The following PTPRD variants were observed in gnomAD, a reference collection of about 807,000 sequenced individuals.
PTPRD encodes protein tyrosine phosphatase receptor type D.
A neutral mutation model predicts 214.5 loss-of-function variants in PTPRD; 34 were observed. That is an observed-to-expected ratio of 0.16 (90% CI 0.12 to 0.21). The LOEUF is 0.21. Ranked by LOEUF, PTPRD falls within the 10% of genes least tolerant of loss-of-function variation. The pLI is 1.00. For missense variants in PTPRD, 2,545 were observed against 2,398.7 expected (o/e 1.06, Z -1.27); for synonymous variants, 1,128 against 845.7 (o/e 1.33, Z -5.79).
chr9:10,125,234 C>T (rs1215227861), intron 3 of PTPRD, among the ~76,000 whole-genome samples: 1 of 151,810 alleles, frequency 6.6e-6, no homozygotes, highest in East Asian at 1.9e-4. Context: ...ATTATACTAT[C>T]TTCATAGTCC....
At chr9:10,343,871 A>G (rs1042118517) in intron 2 of PTPRD, among the ~76,000 whole-genome samples, 3 of 150,730 alleles carry the variant, frequency 2.0e-5, no homozygotes, top group Admixed American at 2.0e-4. Flanking sequence ...GTTTTCTTGT[A>G]AATTTGTTTG....
At chr9:8,781,138 C>A (rs539647513) in intron 11 of PTPRD, among the ~76,000 whole-genome samples, 1 of 152,082 alleles carries the variant, frequency 6.6e-6, no homozygotes, top group African/African-American at 2.4e-5. Flanking sequence ...AGTTTATGAC[C>A]AGCAAAAGGC....
At chr9:9,531,988 T>G (rs923800921) in intron 8 of PTPRD, among the ~76,000 whole-genome samples, 57 of 148,040 alleles carry the variant, frequency 3.9e-4, no homozygotes, top group Non-Finnish European at 8.6e-4. Flanking sequence ...TTGTTAACAT[T>G]AAAATGTTTT....
intron 2 of PTPRD, among the ~76,000 whole-genome samples, chr9:10,575,765 T>C (rs2069085628): frequency 1.3e-5 from 2 of 152,128 alleles, no homozygotes; most frequent in Admixed American, 1.3e-4. Context: ...TCTCTCTCTC[T>C]GTCTCTCTTC....
chr9:10,048,117 G>C (rs955149266), intron 3 of PTPRD, among the ~76,000 whole-genome samples: 1 of 152,144 alleles, frequency 6.6e-6, no homozygotes, highest in African/African-American at 2.4e-5. Flanking sequence ...TCCTACGTGA[G>C]ACAGATATTT....
chr9:9,671,480 G>A (rs187375725), intron 7 of PTPRD, among the ~76,000 whole-genome samples: 87 of 152,116 alleles, frequency 5.7e-4, no homozygotes, highest in African/African-American at 2.1e-3. Flanking sequence ...AGGCATAATT[G>A]GTTTTGAAAT....
chr9:9,662,514 C>G (rs1275916550), intron 7 of PTPRD, among the ~76,000 whole-genome samples: 1 of 151,634 alleles, frequency 6.6e-6, no homozygotes, highest in African/African-American at 2.4e-5. Flanking sequence ...TTTGCTATGG[C>G]ATTCCTTATT....
At chr9:8,580,841 T>C (rs762082570) in intron 14 of PTPRD, among the ~76,000 whole-genome samples, 2 of 152,164 alleles carry the variant, frequency 1.3e-5, no homozygotes, top group East Asian at 1.9e-4. Context: ...TTCGCAATGA[T>C]AGAAATACTG....
intron 2 of PTPRD, among the ~76,000 whole-genome samples, chr9:10,551,280 A>G (rs368258097): frequency 7.2e-5 from 11 of 152,332 alleles, no homozygotes; most frequent in South Asian, 2.1e-4. Context: ...TCCAGGTTAC[A>G]GTGAGCTATG....
At chr9:9,327,403 A>AT (rs901180545) in intron 9 of PTPRD, among the ~76,000 whole-genome samples, 10 of 152,040 alleles carry the variant, frequency 6.6e-5, no homozygotes, top group African/African-American at 1.9e-4. Flanking sequence ...TGTTCCAGTA[A>AT]TTTTTTTCCA....
At chr9:10,115,794 T>G (rs1209743472) in intron 3 of PTPRD, among the ~76,000 whole-genome samples, 1 of 152,124 alleles carries the variant, frequency 6.6e-6, no homozygotes, top group Non-Finnish European at 1.5e-5. Context: ...AATAAGTTAC[T>G]TTTATCCAGA....
chr9:9,445,277 C>T (rs551272673), intron 8 of PTPRD, among the ~76,000 whole-genome samples: 1 of 152,216 alleles, frequency 6.6e-6, no homozygotes, highest in South Asian at 2.1e-4. Context: ...CACGTTTATC[C>T]CTGCAAATGG....
rs531285485 is a variant in PTPRD at position 8,329,623 on chromosome 9, C to G, written c.5534+1959G>C. Among the ~76,000 whole-genome samples, 4 of 152,274 alleles carry G rather than the reference C, an allele frequency of 2.6e-5. No homozygotes were observed. The South Asian group carries it at 6.2e-4, about 24-fold the overall frequency. On this transcript the variant is annotated intron_variant, in intron 44 of 45. Transcript: ENST00000381196. The stretch of plus-strand genomic sequence containing the variant: ...GCTGAAGCTGTGCCCACAGCTGCCC[C>G]TTCCGCCAGGTGCTTTGTCCCAGTG...
At chr9:8,483,327 C>T (rs904520151) in intron 30 of PTPRD, among the ~76,000 whole-genome samples, 31 of 151,990 alleles carry the variant, frequency 2.0e-4, no homozygotes, top group African/African-American at 7.3e-4. Flanking sequence ...GTGTCATATA[C>T]CATTATCTAA....
intron 9 of PTPRD, among the ~76,000 whole-genome samples, chr9:9,377,744 G>T (rs933830284): frequency 2.2e-4 from 33 of 152,094 alleles, no homozygotes; most frequent in African/African-American, 7.7e-4. Context: ...AACAAGGTGG[G>T]TGGTGGGGGC....
chr9:10,341,355 G>A (rs1335944431), intron 2 of PTPRD, among the ~76,000 whole-genome samples: 1 of 151,926 alleles, frequency 6.6e-6, no homozygotes, highest in African/African-American at 2.4e-5. Flanking sequence ...GAATTGTGCT[G>A]AGTACATTGT....
intron 9 of PTPRD, among the ~76,000 whole-genome samples, chr9:9,326,628 G>A (rs2040030753): frequency 6.6e-6 from 1 of 151,294 alleles, no homozygotes; most frequent in African/African-American, 2.4e-5. Flanking sequence ...AAAATGACAA[G>A]CATGAGAGCA....
intron 12 of PTPRD, among the ~76,000 whole-genome samples, chr9:8,721,224 T>C (rs1363050000): frequency 1.3e-5 from 2 of 151,462 alleles, no homozygotes; most frequent in African/African-American, 2.4e-5. Context: ...AGGTCAGGAG[T>C]TCGAGACTAG....
intron 9 of PTPRD, among the ~76,000 whole-genome samples, chr9:9,364,346 C>G (rs1219356538): frequency 3.3e-5 from 5 of 151,352 alleles, no homozygotes; most frequent in Non-Finnish European, 1.5e-5. Context: ...TGCTTACATT[C>G]TAATGGAGGG....
Sources: gnomAD v4.1 joint callset for allele counts (sites outside exome capture counted in the v4.1 genomes callset) on GRCh38, gnomAD v4.1.1 for gene constraint, MANE v1.5 for transcripts, NCBI Gene and HGNC (gene_info 2026-07-23, HGNC 2026-07-21) for gene names.